Variants in PLEKHA4 observed in about 807,000 individuals in gnomAD.
The protein encoded by PLEKHA4 is pleckstrin homology domain containing A4, also known as pleckstrin homology domain-containing family A member 4.
PLEKHA4 carries 73 observed loss-of-function variants against 94.7 expected under a neutral mutation model. The observed-to-expected ratio is 0.77, with a 90% CI of 0.64 to 0.94. The LOEUF is 0.94. Ranked by LOEUF, PLEKHA4 falls within the 40% of genes least tolerant of loss-of-function variation. The pLI is 0.00. For synonymous variants in PLEKHA4, 449 were observed against 437.1 expected (o/e 1.03, Z -0.34); for missense variants, 1,049 against 1,054.1 (o/e 1.00, Z 0.07).
Position 48,861,697 on chromosome 19 carries a change from G to T in PLEKHA4, c.193-5C>A. On this transcript the variant is annotated splice_polypyrimidine_tract_variant and splice_region_variant and intron_variant, in intron 3 of 19. Transcript: ENST00000263265. ...GAGACGGAGCCCCGAGCTGTCCTGG[G>T]GAGAGAGATGGGAGGAGGGGCCTGA... The T allele has an allele frequency of 6.2e-7, 1 of 1,613,052 alleles. No homozygotes were observed. Among genetic ancestry groups the T allele is most frequent in the Non-Finnish European group, 8.5e-7 (1 of 1,179,030 alleles).
At chr19:48,855,494 C>T (rs978599158) in intron 9 of PLEKHA4, among the ~76,000 whole-genome samples, 1 of 151,910 alleles carries the variant, frequency 6.6e-6, no homozygotes, top group South Asian at 2.1e-4. Flanking sequence ...ATCCCAGCTA[C>T]TTGGGAGGCT....
In PLEKHA4 at chr19:48,845,388, G is replaced by A. The variant is rs1280462200; in HGVS notation, c.1725C>T (p.Ser575=). ...ASSPEGRHLP[S]PQLGTKAPVA... The stretch of plus-strand genomic sequence containing the variant: ...AGCTTACCTTGGTTCCTAGCTGTGG[G>A]GAAGGGAGGTGGCGACCCTCAGGGC... The change falls in exon 16 of 20, where the codon TCC becomes TCT. Residue 575 remains serine, a synonymous_variant. Coordinates refer to ENST00000263265, the MANE Select transcript of PLEKHA4 (RefSeq NM_020904.3). 1.8e-5 allele frequency: 29 copies of A among 1,613,228 alleles called. No homozygotes were observed. The highest frequency in any genetic ancestry group is 2.4e-5 in the Non-Finnish European group (28 of 1,180,014).
intron 17 of PLEKHA4, 136 bp downstream of exon 17, chr19:48,841,013 C>T: frequency 2.2e-6 from 2 of 912,016 alleles, no homozygotes; most frequent in East Asian, 2.8e-5. Flanking sequence ...AGCACAAGTA[C>T]AAACTGGGGT....
Position 48,837,306 on chromosome 19 carries a change from G to A in PLEKHA4, c.2323C>T (p.Leu775=), listed in dbSNP as rs759722349. Residue 775 remains leucine, a synonymous_variant, in exon 20 of 20, where the codon CTA becomes TTA. Coordinates refer to ENST00000263265, the MANE Select transcript of PLEKHA4 (RefSeq NM_020904.3). The surrounding 1 kb of genome is among the most constrained non-coding windows in gnomAD (Gnocchi z 4.3). ...EGAWPLRVTL[L]QSSF The stretch of plus-strand genomic sequence containing the variant: ...TGGGCGGATTAGAAGCTGGATTGTA[G>A]CAGAGTGACTCGCAGAGGCCATGCC... The A allele has an allele frequency of 1.4e-5, 23 of 1,613,892 alleles. No homozygotes were observed. In the Admixed American group the frequency reaches 3.7e-4, roughly 26 times the overall value.
At chr19:48,849,891 C>T (rs528007171) in intron 13 of PLEKHA4, among the ~76,000 whole-genome samples, 1 of 152,272 alleles carries the variant, frequency 6.6e-6, no homozygotes, top group South Asian at 2.1e-4. Flanking sequence ...GGGGAGAGAG[C>T]AGCTCTGGAT....
At position 48,861,469 on chromosome 19, in the gene PLEKHA4, G is replaced by A. The variant is rs1353285191; in HGVS notation, c.298C>T (p.Leu100=). Residue 100 remains leucine (L), a synonymous_variant, in exon 5 of 20, where the codon CTG becomes TTG. Transcript: ENST00000263265. The part of the protein sequence containing the change: ...SREESVLGSV[L]LPSYNIRPDG... ...GGTCTAATATTGTAGCTGGGGAGCA[G>A]GACGCTGCCTAGGACACTCTCCTCG... The A allele has an allele frequency of 6.2e-7, 1 of 1,614,148 alleles. No individual in the cohort carries two copies. The highest frequency in any genetic ancestry group is 1.7e-5 in the Admixed American group (1 of 60,008).
chr19:48,852,898 A>C (rs2036254680), intron 12 of PLEKHA4, among the ~76,000 whole-genome samples: 1 of 151,766 alleles, frequency 6.6e-6, no homozygotes, highest in East Asian at 1.9e-4. Context: ...CAGGCGCTGC[A>C]CTCCAGCCTG....
intron 16 of PLEKHA4, chr19:48,844,688 A>G (rs1185887773): frequency 2.0e-6 from 2 of 976,504 alleles, no homozygotes; most frequent in Non-Finnish European, 2.4e-6. Flanking sequence ...GACACAGAGC[A>G]CAGAGCTTCC....
rs766092242 is a variant in PLEKHA4, at chr19:48,859,600, T to C, written c.561A>G (p.Glu187=). The C allele has an allele frequency of 2.5e-6, 4 of 1,613,578 alleles. No individual in the cohort carries two copies. The African/African-American group carries it at 4.0e-5, about 16-fold the overall frequency. ...CCGGTGATTCTGAGATGCGCCCCTC[T>C]TCCCCTCTGCTCACCTCCGGGGGAC... The part of the protein sequence containing the change: ...PGGPPEVSRG[E]EGRISESPEV... Residue 187 remains glutamate, a synonymous_variant, in exon 7 of 20, where the codon GAA becomes GAG. Transcript: ENST00000263265.
intron 13 of PLEKHA4, among the ~76,000 whole-genome samples, chr19:48,851,997 C>T (rs1568543224): frequency 1.3e-5 from 2 of 151,850 alleles, no homozygotes; most frequent in Non-Finnish European, 2.9e-5. Flanking sequence ...CTCGAGAAAA[C>T]GGCATTCAAA....
chr19:48,861,867 TGTAATCCCAGCACTTAGA>T lies in PLEKHA4; in HGVS notation c.193-193_193-176del, dbSNP rs905107264. 1.3e-3 allele frequency among the ~76,000 whole-genome samples: 199 copies of T among 152,202 alleles called. 1 individual carries two copies. Among genetic ancestry groups the T allele is most frequent in the African/African-American group, 4.7e-3 (197 of 41,534 alleles). ...GAGGCCGAGCACAATGGCTCACGCCTGTAATCCCAGCACTTAGAGAGGCCAAGGCAGGTGGATCACTCA... is the reference window on the plus strand; with the variant it reads ...GAGGCCGAGCACAATGGCTCACGCCTGAGGCCAAGGCAGGTGGATCACTCA... On this transcript the variant is annotated intron_variant, in intron 3 of 19. Coordinates refer to ENST00000263265, the MANE Select transcript of PLEKHA4 (RefSeq NM_020904.3).
chr19:48,846,805 T>G (rs2035987388), intron 14 of PLEKHA4, among the ~76,000 whole-genome samples: 1 of 152,142 alleles, frequency 6.6e-6, no homozygotes, highest in Non-Finnish European at 1.5e-5. Context: ...GAGCCAGATG[T>G]CCTGGCTTCA....
Position 48,837,215 on chromosome 19 carries a change from G to A in PLEKHA4, c.*74C>T. 1 of 1,606,242 alleles carries A rather than the reference G, an allele frequency of 6.2e-7. No homozygotes were observed. Among genetic ancestry groups the A allele is most frequent in the East Asian group, 2.2e-5 (1 of 44,796 alleles). ...ACCAGACCACGCCCCCTGATGCCCTGAGTGGTCCCAGATCTCCGGCGGTAC... is the reference window on the plus strand; with the variant it reads ...ACCAGACCACGCCCCCTGATGCCCTAAGTGGTCCCAGATCTCCGGCGGTAC... On this transcript the variant is annotated 3_prime_UTR_variant, in exon 20 of 20. Transcript: ENST00000263265. The surrounding 1 kb of genome is among the most constrained non-coding windows in gnomAD (Gnocchi z 4.3).
At chr19:48,845,639 A>T in intron 14 of PLEKHA4, 23 bp from the exon 15 acceptor site, 1 of 1,455,784 alleles carries the variant, frequency 6.9e-7, no homozygotes, top group Non-Finnish European at 9.3e-7. Flanking sequence ...GAAAAGGGGG[A>T]TAATGATGAT....
intron 14 of PLEKHA4, among the ~76,000 whole-genome samples, chr19:48,846,108 G>C (rs940389594): frequency 2.6e-5 from 4 of 151,492 alleles, no homozygotes; most frequent in African/African-American, 9.7e-5. Context: ...AGGCTCACTT[G>C]AGGCCAGGAG....
In PLEKHA4 at chr19:48,860,454, C is replaced by T; in HGVS notation, c.372G>A (p.Glu124=). 1 of 1,613,726 alleles carries T rather than the reference C, an allele frequency of 6.2e-7. No individual in the cohort carries two copies. The highest frequency in any genetic ancestry group is 8.5e-7 in the Non-Finnish European group (1 of 1,179,734). ...AAACGTAGGTCCTCATGCCCGGGTG[C>T]TCTGCCTGCGGGAAGAGAAGGCTTG... ...PRGRRFTFTA[E]HPGMRTYVLA... Residue 124 remains glutamate, a synonymous_variant, in exon 6 of 20, where the codon GAG becomes GAA. Transcript: ENST00000263265.
chr19:48,852,932 C>CA (rs957322809), intron 12 of PLEKHA4, among the ~76,000 whole-genome samples: 48 of 151,130 alleles, frequency 3.2e-4, no homozygotes, highest in Non-Finnish European at 6.1e-4. Flanking sequence ...GAATCCGTCT[C>CA]AAAAAAAATA....
At chr19:48,855,398 G>A (rs1599903320) in intron 9 of PLEKHA4, among the ~76,000 whole-genome samples, 1 of 152,238 alleles carries the variant, frequency 6.6e-6, no homozygotes, top group East Asian at 1.9e-4. Flanking sequence ...GAGGTCAGGA[G>A]TTCGAGACCA....
chr19:48,859,560 A>G lies in PLEKHA4; in HGVS notation c.601T>C (p.Ser201Pro), dbSNP rs2036557226. 6.2e-7 allele frequency: 1 copy of G among 1,613,952 alleles called. No homozygotes were observed. The highest frequency in any genetic ancestry group is 8.5e-7 in the Non-Finnish European group (1 of 1,180,000). ...AGCCTGGGTCTACCACGACCTCTGG[A>G]GAGTCGAGTCACTTCCGGTGATTCT... ...ISESPEVTRL[S>P]RGRGRPRLLT... Residue 201 changes from serine to proline, a missense_variant, in exon 7 of 20, where the codon TCC becomes CCC. Physicochemically the swap from Ser to Pro is moderately conservative, Grantham distance 74. Transcript: ENST00000263265.
Sources: allele counts gnomAD v4.1 joint callset (sites outside exome capture counted in the v4.1 genomes callset), GRCh38; gene constraint gnomAD v4.1.1; non-coding constraint Gnocchi (gnomAD v3.1); transcripts MANE v1.5; gene names NCBI Gene and HGNC (gene_info 2026-07-23, HGNC 2026-07-21).